MAGI1: variants seen among roughly 807,000 people sequenced by gnomAD.
MAGI1 encodes membrane associated guanylate kinase, WW and PDZ domain containing 1.
Under a neutral mutation model 139.9 loss-of-function variants are expected in MAGI1, and 58 were observed. The ratio of observed to expected loss-of-function variants is 0.41; its 90% confidence interval spans 0.34 to 0.52. The LOEUF is 0.52. Among genes scored for constraint, MAGI1 ranks in the 20% least tolerant of loss-of-function variants. The pLI, the probability that MAGI1 is intolerant of heterozygous loss-of-function variation, is 0.12. For synonymous variants in MAGI1, 812 were observed against 737.9 expected (o/e 1.10, Z -1.63); for missense variants, 1,874 against 1,901.6 (o/e 0.99, Z 0.27).
chr3:65,434,994 T>G (rs954368328), intron 10 of MAGI1, among the ~76,000 whole-genome samples: 1 of 152,188 alleles, frequency 6.6e-6, no homozygotes, highest in Non-Finnish European at 1.5e-5. Context: ...GAACTAGTAC[T>G]TTCTCTCTCT....
intron 2 of MAGI1, among the ~76,000 whole-genome samples, chr3:65,498,426 C>T (rs948514145): frequency 2.6e-5 from 4 of 151,738 alleles, no homozygotes; most frequent in African/African-American, 7.3e-5. Context: ...CAGCGTCCAA[C>T]CCCCCAAAAA....
At chr3:65,446,717 T>C (rs745833961) in intron 7 of MAGI1, among the ~76,000 whole-genome samples, 1 of 152,230 alleles carries the variant, frequency 6.6e-6, no homozygotes, top group Non-Finnish European at 1.5e-5. Context: ...TTATCTAATA[T>C]CATTGGATTG....
At chr3:65,713,439 T>A (rs745716972) in intron 1 of MAGI1, among the ~76,000 whole-genome samples, 1 of 151,860 alleles carries the variant, frequency 6.6e-6, no homozygotes, top group Non-Finnish European at 1.5e-5. Flanking sequence ...AGAGATTTTT[T>A]AAAAAAAGAA....
At chr3:65,481,222 C>G in intron 3 of MAGI1, among the ~76,000 whole-genome samples, 1 of 152,146 alleles carries the variant, frequency 6.6e-6, no homozygotes, top group Non-Finnish European at 1.5e-5. Context: ...TGAGTCGAAT[C>G]AGCTTGAAGA....
intron 1 of MAGI1, among the ~76,000 whole-genome samples, chr3:66,029,299 G>A (rs755409765): frequency 2.6e-5 from 4 of 152,084 alleles, no homozygotes; most frequent in African/African-American, 4.8e-5. Context: ...GGGCACGATC[G>A]CCTTTTAATT....
intron 4 of MAGI1, among the ~76,000 whole-genome samples, chr3:65,478,220 C>T (rs1212138394): frequency 6.6e-6 from 1 of 151,936 alleles, no homozygotes; most frequent in Non-Finnish European, 1.5e-5. Flanking sequence ...TTCATAGCAA[C>T]CAGCCATAAT....
At chr3:65,457,407 A>G (rs1949472251) in intron 5 of MAGI1, among the ~76,000 whole-genome samples, 1 of 152,118 alleles carries the variant, frequency 6.6e-6, no homozygotes, top group African/African-American at 2.4e-5. Flanking sequence ...GATCATTTCT[A>G]GTTTTTGGCT....
intron 1 of MAGI1, among the ~76,000 whole-genome samples, chr3:65,819,062 G>A (rs1045047991): frequency 3.9e-5 from 6 of 152,056 alleles, no homozygotes; most frequent in South Asian, 2.1e-4. Flanking sequence ...TGAGGAGGGC[G>A]GATTACAAGG....
intron 1 of MAGI1, among the ~76,000 whole-genome samples, chr3:65,735,016 G>C (rs1023322343): frequency 6.6e-6 from 1 of 152,110 alleles, no homozygotes; most frequent in Non-Finnish European, 1.5e-5. Context: ...ATATACCTAT[G>C]CATACAATTG....
rs2059820677 is a variant in MAGI1 at position 65,868,934 on chromosome 3, CT to C, written c.313+169061del. Among the ~76,000 whole-genome samples the C allele has an allele frequency of 3.9e-5, 6 of 152,248 alleles. No homozygotes were observed. The South Asian group carries it at 1.2e-3, about 32-fold the overall frequency. On this transcript the variant is annotated intron_variant, in intron 1 of 22. Coordinates refer to ENST00000402939, the MANE Select transcript of MAGI1 (RefSeq NM_001033057.2). ...TTTTCAACCCTCTGACCCTGCCCTACTTTTTCCTTTGCCCATAGCCCCTATC... is the reference window on the plus strand; with the variant it reads ...TTTTCAACCCTCTGACCCTGCCCTACTTTTCCTTTGCCCATAGCCCCTATC...
intron 2 of MAGI1, among the ~76,000 whole-genome samples, chr3:65,600,658 C>T (rs986687890): frequency 1.3e-5 from 2 of 152,050 alleles, no homozygotes; most frequent in Non-Finnish European, 2.9e-5. Flanking sequence ...GAGCCAAGGG[C>T]AAGCTATGGC....
chr3:65,847,490 T>C (rs2059046026), intron 1 of MAGI1, among the ~76,000 whole-genome samples: 2 of 152,252 alleles, frequency 1.3e-5, no homozygotes. Context: ...CATATTCATA[T>C]AATTCTAACT....
intron 12 of MAGI1, among the ~76,000 whole-genome samples, chr3:65,413,512 C>A (rs79254321): frequency 0.015 from 2,338 of 152,226 alleles, 68 homozygotes; most frequent in African/African-American, 0.053. Flanking sequence ...CCATTCATCT[C>A]CCATGGAGAT....
intron 1 of MAGI1, among the ~76,000 whole-genome samples, chr3:65,926,405 G>A (rs1167431781): frequency 6.8e-6 from 1 of 146,620 alleles, no homozygotes; most frequent in Non-Finnish European, 1.5e-5. Flanking sequence ...CTGTCAGAGG[G>A]GTTGGAACAG....
At chr3:65,911,150 G>T (rs1439567399) in intron 1 of MAGI1, among the ~76,000 whole-genome samples, 1 of 151,848 alleles carries the variant, frequency 6.6e-6, no homozygotes, top group African/African-American at 2.4e-5. Context: ...GAGCCACAGC[G>T]CCTGGCCTGG....
At chr3:65,815,272 C>T (rs953606761) in intron 1 of MAGI1, among the ~76,000 whole-genome samples, 2 of 152,208 alleles carry the variant, frequency 1.3e-5, no homozygotes, top group African/African-American at 2.4e-5. Flanking sequence ...GGCCAACACA[C>T]GGTTGTTGAT....
chr3:65,529,434 T>C lies in MAGI1; in HGVS notation c.431-35803A>G, dbSNP rs148367735. ...GCTTATTCTGGATATTTCATACAAA[T>C]GGAATGATACAATATGTACCCATTT... is the stretch of plus-strand genomic sequence containing the variant. On this transcript the variant is annotated intron_variant, in intron 2 of 22. Coordinates refer to ENST00000402939, the MANE Select transcript of MAGI1 (RefSeq NM_001033057.2). Among the ~76,000 whole-genome samples the C allele has an allele frequency of 3.5e-3, 534 of 152,324 alleles. 3 individuals are homozygous for C. Among genetic ancestry groups the C allele is most frequent in the African/African-American group, 0.012 (515 of 41,560 alleles).
At chr3:65,836,249 G>C (rs1226372717) in intron 1 of MAGI1, among the ~76,000 whole-genome samples, 1 of 152,168 alleles carries the variant, frequency 6.6e-6, no homozygotes, top group Non-Finnish European at 1.5e-5. Context: ...TGAATAATTT[G>C]CTCCATGAAC....
chr3:65,679,139 C>A (rs2087398811), intron 1 of MAGI1, among the ~76,000 whole-genome samples: 1 of 152,050 alleles, frequency 6.6e-6, no homozygotes, highest in Admixed American at 6.6e-5. Context: ...TTTCTGTTTA[C>A]CTGCCTACTT....
Sources: allele counts gnomAD v4.1 joint callset (sites outside exome capture counted in the v4.1 genomes callset), GRCh38; gene constraint gnomAD v4.1.1; transcripts MANE v1.5; gene names NCBI Gene and HGNC (gene_info 2026-07-23, HGNC 2026-07-21).